The following AKR1D1 variants were observed in gnomAD, a reference collection of about 807,000 sequenced individuals.
AKR1D1 encodes the protein aldo-keto reductase family 1 member D1, also known as delta(4)-3-ketosteroid 5-beta-reductase.
AKR1D1 carries 32 observed loss-of-function variants against 42.6 expected under a neutral mutation model. The ratio of observed to expected loss-of-function variants is 0.75; its 90% CI spans 0.57 to 1.01. AKR1D1 has a LOEUF of 1.01. Among genes scored for constraint, AKR1D1 ranks in the 50% least tolerant of loss-of-function variants. The pLI is 0.00. For synonymous variants in AKR1D1, 123 were observed against 135.5 expected (o/e 0.91, Z 0.64); for missense variants, 364 against 402.2 (o/e 0.91, Z 0.81).
intron 3 of AKR1D1, among the ~76,000 whole-genome samples, chr7:138,094,278 G>T (rs1262303153): frequency 6.6e-6 from 1 of 152,144 alleles, no homozygotes; most frequent in Admixed American, 6.6e-5. Context: ...ACTTTGGGAG[G>T]CTAAGGCTGG....
intron 2 of AKR1D1, among the ~76,000 whole-genome samples, chr7:138,089,999 A>G (rs900744598): frequency 2.0e-5 from 3 of 151,448 alleles, no homozygotes; most frequent in Non-Finnish European, 2.9e-5. Flanking sequence ...TATTTCATAA[A>G]GTTGTTATGA....
chr7:138,109,154 C>A (rs1250984392), intron 7 of AKR1D1, among the ~76,000 whole-genome samples: 3 of 152,124 alleles, frequency 2.0e-5, no homozygotes, highest in African/African-American at 4.8e-5. Flanking sequence ...TTAAAAAATA[C>A]AAGTACTGAC....
At chr7:138,116,154 T>C (rs577736968) in intron 8 of AKR1D1, among the ~76,000 whole-genome samples, 4 of 152,126 alleles carry the variant, frequency 2.6e-5, no homozygotes, top group African/African-American at 9.6e-5. Context: ...CACTCCAACC[T>C]GAGTGACAGA....
intron 8 of AKR1D1, among the ~76,000 whole-genome samples, chr7:138,114,609 G>A (rs541883352): frequency 3.5e-5 from 5 of 142,326 alleles, no homozygotes; most frequent in South Asian, 2.2e-4. Flanking sequence ...GCAGTGAGCC[G>A]AGATCATGCC....
intron 2 of AKR1D1, 73 bp downstream of exon 2, chr7:138,088,841 C>CGAGT: frequency 8.1e-7 from 1 of 1,230,166 alleles, no homozygotes; most frequent in Non-Finnish European, 1.1e-6. Context: ...ATTCATCTTC[C>CGAGT]GTGTGTGTGT....
Position 138,116,869 on chromosome 7 carries a change from T to C in AKR1D1, c.*207T>C. 1.9e-6 allele frequency: 1 copy of C among 535,826 alleles called. No homozygotes were observed. The highest frequency in any genetic ancestry group is 3.3e-6 in the Non-Finnish European group (1 of 307,516). The allele number at this position is 535,826 out of a possible 1,614,324, so 33.2% of individuals were successfully genotyped here. ...ATATTAAAATCTGTTGAAATAACTC[T>C]TAGGAAATTATCAACTAATTTTTTC... On this transcript the variant is annotated 3_prime_UTR_variant, in exon 9 of 9. Coordinates refer to ENST00000242375, the MANE Select transcript of AKR1D1 (RefSeq NM_005989.4).
chr7:138,086,012 C>A (rs764935440), intron 1 of AKR1D1, among the ~76,000 whole-genome samples: 23 of 151,964 alleles, frequency 1.5e-4, no homozygotes, highest in Non-Finnish European at 3.2e-4. Context: ...GAGTTTGAGA[C>A]CAGCATGGGC....
rs1793984987 is a variant in AKR1D1, at chr7:138,088,594, A to T, written c.94-7A>T. ...TTTCCCCAAACCCAACCTCTTTGTC[A>T]CTTCAGACCCCTAAGGGAGCCTGTG... On this transcript the variant is annotated splice_region_variant and splice_polypyrimidine_tract_variant and intron_variant, in intron 1 of 8. Transcript: ENST00000242375. 2 of 1,614,038 alleles carry T rather than the reference A, an allele frequency of 1.2e-6. No individual in the cohort carries two copies. Among genetic ancestry groups the T allele is most frequent in the Admixed American group, 1.7e-5 (1 of 59,996 alleles).
chr7:138,114,867 C>T (rs1046658881), intron 8 of AKR1D1, among the ~76,000 whole-genome samples: 4 of 151,938 alleles, frequency 2.6e-5, no homozygotes, highest in African/African-American at 9.7e-5. Flanking sequence ...TAAGATGATT[C>T]ATATAGTTTG....
At position 138,088,642 on chromosome 7, in the gene AKR1D1, TGACAC is replaced by T; in HGVS notation, c.136_140del (p.Asp46ArgfsTer6). On this transcript the variant is annotated frameshift_variant, in exon 2 of 9. Coordinates refer to ENST00000242375, the MANE Select transcript of AKR1D1 (RefSeq NM_005989.4). LOFTEE classifies it high-confidence loss of function. ...GTGCAACATCGGTGAAGGTTGCTATTGACACAGGGTACCGACATATTGATGGGGCC... is the reference window on the plus strand; with the variant it reads ...GTGCAACATCGGTGAAGGTTGCTATTAGGGTACCGACATATTGATGGGGCC... The T allele has an allele frequency of 6.2e-7, 1 of 1,614,172 alleles. No individual in the cohort carries two copies. Among genetic ancestry groups the T allele is most frequent in the South Asian group, 1.1e-5 (1 of 91,086 alleles).
chr7:138,101,658 C>T (rs77844684), intron 4 of AKR1D1, among the ~76,000 whole-genome samples: 6,094 of 152,074 alleles, frequency 0.04, 319 homozygotes, highest in East Asian at 0.22. Flanking sequence ...TATATATTAG[C>T]AACACACAAT....
intron 4 of AKR1D1, among the ~76,000 whole-genome samples, chr7:138,100,255 A>G (rs1041135916): frequency 5.3e-5 from 8 of 152,098 alleles, no homozygotes; most frequent in Non-Finnish European, 1.2e-4. Context: ...TGAGAAAAGT[A>G]GCAAATAAAG....
At chr7:138,076,787 AG>A (rs1357706415) in intron 1 of AKR1D1, among the ~76,000 whole-genome samples, 176 bp downstream of exon 1, 1 of 152,188 alleles carries the variant, frequency 6.6e-6, no homozygotes, top group Non-Finnish European at 1.5e-5. Flanking sequence ...ATTGAGCCAA[AG>A]GTTAAACTAA....
intron 1 of AKR1D1, among the ~76,000 whole-genome samples, chr7:138,079,401 G>T (rs6945659): frequency 0.76 from 114,828 of 151,962 alleles, 43,701 homozygotes; most frequent in African/African-American, 0.83. Context: ...TAGACATGAG[G>T]GCAAGCAATG....
chr7:138,091,134 C>A, intron 2 of AKR1D1: 1 of 156,222 alleles, frequency 6.4e-6, no homozygotes, highest in Admixed American at 6.2e-5. Flanking sequence ...AGGAAATTCA[C>A]CCGGAAATGG....
At chr7:138,098,794 C>T (rs763195152) in intron 4 of AKR1D1, among the ~76,000 whole-genome samples, 9 of 151,930 alleles carry the variant, frequency 5.9e-5, no homozygotes, top group South Asian at 2.1e-4. Flanking sequence ...GTGGCAGCTC[C>T]GACCTAGAGT....
chr7:138,084,609 G>A (rs562960724), intron 1 of AKR1D1, among the ~76,000 whole-genome samples: 23 of 152,046 alleles, frequency 1.5e-4, no homozygotes, highest in Non-Finnish European at 2.6e-4. Context: ...CAGTGAGATT[G>A]TCTTTAATTG....
chr7:138,090,636 CAA>C (rs201055784), intron 2 of AKR1D1, among the ~76,000 whole-genome samples: 47 of 91,398 alleles, frequency 5.1e-4, no homozygotes, highest in South Asian at 1.4e-3. Context: ...GACCCCGTCT[CAA>C]AAAAAAAAAA....
At position 138,097,903 on chromosome 7, in the gene AKR1D1, A is replaced by C; in HGVS notation, c.416A>C (p.Lys139Thr). Residue 139 changes from lysine to threonine, a missense_variant, in exon 4 of 9, where the codon AAA becomes ACA. Lys to Thr is a moderately conservative substitution (Grantham distance 78). Coordinates refer to ENST00000242375, the MANE Select transcript of AKR1D1 (RefSeq NM_005989.4). Reference protein sequence around the residue: ...DEIYPRDENGKWLYHKSNLCA... With the variant: ...DEIYPRDENGTWLYHKSNLCA... ...ATATACCCTAGAGATGAGAATGGCA[A>C]ATGGTTATATCACAAGTCAAATCTG... 6.2e-7 allele frequency: 1 copy of C among 1,612,540 alleles called. No homozygotes were observed. The highest frequency in any genetic ancestry group is 8.5e-7 in the Non-Finnish European group (1 of 1,179,446).
Sources: gnomAD v4.1 joint callset for allele counts (sites outside exome capture counted in the v4.1 genomes callset) on GRCh38, gnomAD v4.1.1 for gene constraint, MANE v1.5 for transcripts, NCBI Gene and HGNC (gene_info 2026-07-23, HGNC 2026-07-21) for gene names.